Variants in FSD1L observed in about 807,000 individuals in gnomAD.
FSD1L encodes FSD1-like protein.
In FSD1L, 45 loss-of-function variants were observed where a neutral mutation model predicts 71.6. That is an observed-to-expected ratio of 0.63 (90% confidence interval 0.49 to 0.81). FSD1L has a LOEUF of 0.81. Among genes scored for constraint, FSD1L ranks in the 30% least tolerant of loss-of-function variants. The pLI is 0.00. For synonymous variants in FSD1L, 197 were observed against 207.2 expected (o/e 0.95, Z 0.42); for missense variants, 561 against 618.1 (o/e 0.91, Z 0.98).
At chr9:105,450,534 C>T (rs200473470) in intron 1 of FSD1L, among the ~76,000 whole-genome samples, 86 of 137,908 alleles carry the variant, frequency 6.2e-4, no homozygotes, top group Non-Finnish European at 4.3e-4. Context: ...GGATTGTGTT[C>T]TTTTTTTTTT....
intron 10 of FSD1L, among the ~76,000 whole-genome samples, chr9:105,517,542 T>C (rs1834809800): frequency 6.6e-6 from 1 of 152,176 alleles, no homozygotes; most frequent in East Asian, 1.9e-4. Flanking sequence ...CAACCCAGAA[T>C]TTCATATCCA....
intron 10 of FSD1L, among the ~76,000 whole-genome samples, chr9:105,529,216 G>A (rs933905867): frequency 2.8e-4 from 43 of 152,306 alleles, no homozygotes; most frequent in Admixed American, 1.4e-3. Flanking sequence ...ACAGTGTGGC[G>A]ATTCCTCAAG....
At chr9:105,540,435 A>G (rs1007410978) in intron 13 of FSD1L, among the ~76,000 whole-genome samples, 4 of 151,946 alleles carry the variant, frequency 2.6e-5, no homozygotes, top group Non-Finnish European at 5.9e-5. Flanking sequence ...CAGTTTATCA[A>G]TTTTTTCATT....
At chr9:105,522,843 AGCC>A in intron 10 of FSD1L, 1 of 1,611,086 alleles carries the variant, frequency 6.2e-7, no homozygotes. Context: ...TAGTCCAGGC[AGCC>A]TGGAAATTCC....
At chr9:105,523,592 C>G in intron 10 of FSD1L, 3 of 1,611,038 alleles carry the variant, frequency 1.9e-6, no homozygotes, top group South Asian at 2.2e-5. Context: ...ATAACCTGAC[C>G]TCCCCTTCTC....
At chr9:105,518,469 C>T (rs949626002) in intron 10 of FSD1L, among the ~76,000 whole-genome samples, 11 of 152,322 alleles carry the variant, frequency 7.2e-5, no homozygotes, top group African/African-American at 2.4e-4. Flanking sequence ...GTCTCTCAGA[C>T]CACAGTGCAA....
At chr9:105,508,174 C>CTTT (rs11320443) in intron 8 of FSD1L, among the ~76,000 whole-genome samples, 3 of 100,474 alleles carry the variant, frequency 3.0e-5, no homozygotes, top group African/African-American at 4.2e-5. Context: ...ACATATCACT[C>CTTT]TTTTTTTTTT....
intron 10 of FSD1L, among the ~76,000 whole-genome samples, chr9:105,530,120 T>C (rs1340479035): frequency 6.6e-6 from 1 of 152,152 alleles, no homozygotes; most frequent in Non-Finnish European, 1.5e-5. Flanking sequence ...TAGAAGTAAA[T>C]GATGATTTTT....
intron 10 of FSD1L, chr9:105,526,187 G>T (rs1835495701): frequency 6.3e-7 from 1 of 1,592,860 alleles, no homozygotes; most frequent in East Asian, 2.2e-5. Context: ...ATAAATGCAA[G>T]CCGTGCTCTG....
intron 10 of FSD1L, chr9:105,513,661 A>G (rs1356069323): frequency 2.0e-6 from 3 of 1,502,120 alleles, no homozygotes; most frequent in African/African-American, 1.4e-5. Flanking sequence ...TAGTTCTAGG[A>G]CTTAGTAAAA....
chr9:105,530,461 GT>G (rs1243777471), intron 10 of FSD1L: 4 of 577,906 alleles, frequency 6.9e-6, no homozygotes, highest in Non-Finnish European at 1.2e-5. Context: ...AGTTATGTCT[GT>G]TTTTCTTTTC....
chr9:105,472,097 G>T, intron 5 of FSD1L, 92 bp downstream of exon 5: 1 of 1,319,800 alleles, frequency 7.6e-7, no homozygotes, highest in South Asian at 2.0e-5. Context: ...TTTCTTTACT[G>T]ATTTCTAATA....
chr9:105,472,053 TA>T, intron 5 of FSD1L, 48 bp downstream of exon 5: 1 of 1,407,740 alleles, frequency 7.1e-7, no homozygotes, highest in Non-Finnish European at 9.3e-7. Context: ...GTTGTATTTT[TA>T]AAAAGGCGTT....
chr9:105,472,037 A>G (rs775021921), intron 5 of FSD1L, 32 bp downstream of exon 5: 3 of 1,411,978 alleles, frequency 2.1e-6, no homozygotes, highest in Non-Finnish European at 2.8e-6. Flanking sequence ...ACACTTAACA[A>G]GGGAAGTTGT....
intron 10 of FSD1L, chr9:105,524,818 T>C (rs1835406952): frequency 1.3e-6 from 2 of 1,588,472 alleles, no homozygotes; most frequent in African/African-American, 1.3e-5. Flanking sequence ...CATTATCCAA[T>C]GAGCGGTGGT....
chr9:105,448,503 A>ATCC (rs1829771347), intron 1 of FSD1L, among the ~76,000 whole-genome samples: 1 of 152,206 alleles, frequency 6.6e-6, no homozygotes, highest in Admixed American at 6.5e-5. Context: ...AAACGGAGCC[A>ATCC]TCCCCCTTTT....
At chr9:105,504,868 T>G (rs1833959978) in intron 7 of FSD1L, among the ~76,000 whole-genome samples, 1 of 152,226 alleles carries the variant, frequency 6.6e-6, no homozygotes, top group African/African-American at 2.4e-5. Context: ...GGGCCAACTT[T>G]GCTTTGTTTT....
rs1199551065 is a variant in FSD1L, at chr9:105,552,207, C to T, written c.*5724C>T. On this transcript the variant is annotated 3_prime_UTR_variant, in exon 14 of 14. Coordinates refer to ENST00000481272, the MANE Select transcript of FSD1L (RefSeq NM_001145313.3). ...TTATGGCTGAAGACCTTTAATGATA[C>T]TTATGATGCACTCAGTGCCATACAA... is the stretch of plus-strand genomic sequence containing the variant. 3.3e-5 allele frequency: 5 copies of T among 150,296 alleles called. No individual in the cohort carries two copies. Among genetic ancestry groups the T allele is most frequent in the Non-Finnish European group, 5.9e-5 (4 of 67,520 alleles). The allele number at this position is 150,296 out of a possible 1,614,324, so 9.3% of individuals were successfully genotyped here. A position where few individuals can be genotyped will look rare whatever the true frequency, so the allele number is the denominator to read the frequency against.
intron 10 of FSD1L, chr9:105,530,622 G>A: frequency 3.0e-6 from 2 of 677,322 alleles, no homozygotes; most frequent in Non-Finnish European, 5.3e-6. Context: ...TCTATTTGTT[G>A]CCCTGAGTTA....
Sources: allele counts gnomAD v4.1 joint callset (sites outside exome capture counted in the v4.1 genomes callset), GRCh38; gene constraint gnomAD v4.1.1; transcripts MANE v1.5; gene names NCBI Gene and HGNC (gene_info 2026-07-23, HGNC 2026-07-21).